Variants in BBS1 observed in about 807,000 individuals in gnomAD.
BBS1 encodes the protein Bardet-Biedl syndrome 1.
Under a neutral mutation model 73.9 loss-of-function variants are expected in BBS1, and 60 were observed. The ratio of observed to expected loss-of-function variants is 0.81; its 90% CI spans 0.66 to 1.01. The LOEUF is 1.01. Ranked by LOEUF, BBS1 falls within the 50% of genes least tolerant of loss-of-function variation. The pLI is 0.00. For synonymous variants in BBS1, 283 were observed against 317.4 expected, an observed-to-expected ratio of 0.89 and a Z score of 1.15; for missense variants, 718 against 770.3, an observed-to-expected ratio of 0.93 and a Z score of 0.80.
intron 11 of BBS1, chr11:66,524,204 T>C: frequency 2.6e-6 from 1 of 378,348 alleles, no homozygotes; most frequent in Non-Finnish European, 5.1e-6. Flanking sequence ...CGCTTGAGCC[T>C]GGGAGGCGGA....
intron 3 of BBS1, among the ~76,000 whole-genome samples, chr11:66,511,481 CTTAG>C (rs1432052748): frequency 6.6e-6 from 1 of 152,122 alleles, no homozygotes; most frequent in Non-Finnish European, 1.5e-5. Flanking sequence ...GACAAAGCCT[CTTAG>C]TTAACCTGAT....
At chr11:66,511,140 A>G (rs745326262) in intron 2 of BBS1, 51 bp downstream of exon 2, 2 of 1,613,874 alleles carry the variant, frequency 1.2e-6, no homozygotes, top group East Asian at 4.5e-5. Context: ...GGGGAGTCAG[A>G]CAATGGTCCT....
intron 11 of BBS1, chr11:66,524,094 A>G: frequency 1.6e-6 from 1 of 640,410 alleles, no homozygotes; most frequent in East Asian, 3.0e-5. Context: ...AGCCTAGCCA[A>G]CATGGCATAA....
At chr11:66,511,305 G>A (rs913786444) in intron 3 of BBS1, 66 bp downstream of exon 3, 1 of 1,578,716 alleles carries the variant, frequency 6.3e-7, no homozygotes, top group Admixed American at 1.7e-5. Flanking sequence ...GAGATTTCCT[G>A]ACGGCTGAAA....
chr11:66,530,046 A>G lies in BBS1; in HGVS notation c.1473+94A>G, dbSNP rs1435065324. 4.6e-6 allele frequency: 7 copies of G among 1,515,566 alleles called. No individual in the cohort carries two copies. In the Admixed American group the frequency reaches 1.4e-4, roughly 30 times the overall value. The allele number at this position is 1,515,566 out of a possible 1,614,324, so 93.9% of individuals were successfully genotyped here. ...GCCACACAGCTAAGCCCCAGAGCCAATTCCAAGCCAACTCAGCCCGTGCTC... is the reference window on the plus strand; with the variant it reads ...GCCACACAGCTAAGCCCCAGAGCCAGTTCCAAGCCAACTCAGCCCGTGCTC... On this transcript the variant is annotated intron_variant, in intron 14 of 16. Transcript: ENST00000318312.
At chr11:66,513,716 C>T (rs991019550) in intron 3 of BBS1, among the ~76,000 whole-genome samples, 4 of 152,110 alleles carry the variant, frequency 2.6e-5, no homozygotes, top group Non-Finnish European at 5.9e-5. Flanking sequence ...TTAAATGAAA[C>T]GATGCATGCA....
chr11:66,522,195 C>CT (rs1856268256), intron 9 of BBS1, among the ~76,000 whole-genome samples: 1 of 147,064 alleles, frequency 6.8e-6, no homozygotes, highest in South Asian at 2.2e-4. Flanking sequence ...CCAGCCTGGG[C>CT]ACAGAGCGAG....
At chr11:66,530,082 T>G in intron 14 of BBS1, 130 bp downstream of exon 14, 1 of 1,332,390 alleles carries the variant, frequency 7.5e-7, no homozygotes, top group Non-Finnish European at 1.0e-6. Context: ...CCCATCACCT[T>G]CCCGCAGACC....
intron 3 of BBS1, 150 bp from the exon 4 acceptor site, chr11:66,514,256 C>A: frequency 9.5e-7 from 1 of 1,049,510 alleles, no homozygotes; most frequent in Non-Finnish European, 1.4e-6. Flanking sequence ...GGTTAGTCAA[C>A]TTTCCCAAGG....
chr11:66,527,311 G>A (rs545594348), intron 13 of BBS1, among the ~76,000 whole-genome samples: 14 of 151,792 alleles, frequency 9.2e-5, no homozygotes, highest in African/African-American at 3.1e-4. Flanking sequence ...TTCATCGTTC[G>A]TTCATTCATT....
At chr11:66,523,910 TCA>T in intron 11 of BBS1, 28 bp downstream of exon 11, 21 of 1,610,628 alleles carry the variant, frequency 1.3e-5, no homozygotes, top group Non-Finnish European at 1.8e-5. Context: ...CATCTGCCAC[TCA>T]CTCCTCCTTG....
At chr11:66,519,783 G>A (rs1285578868) in intron 8 of BBS1, 35 bp downstream of exon 8, 1 of 1,610,230 alleles carries the variant, frequency 6.2e-7, no homozygotes, top group African/African-American at 1.3e-5. Flanking sequence ...CCCGCTGGAG[G>A]CCCAGGCTGC....
intron 13 of BBS1, chr11:66,527,153 G>A (rs1011759866): frequency 1.3e-6 from 1 of 745,274 alleles, no homozygotes; most frequent in Non-Finnish European, 2.2e-6. Flanking sequence ...TGGGAGGACA[G>A]CATGAGCCCA....
At position 66,533,553 on chromosome 11, in the gene BBS1, A is replaced by G. The variant is rs1856865477; in HGVS notation, c.*1516A>G. 6.6e-6 allele frequency: 1 copy of G among 152,226 alleles called. No homozygotes were observed. The highest frequency in any genetic ancestry group is 6.5e-5 in the Admixed American group (1 of 15,276). 9.4% of individuals were successfully genotyped at this position (152,226 alleles called of 1,614,324 possible). On this transcript the variant is annotated 3_prime_UTR_variant, in exon 17 of 17. Transcript: ENST00000318312. ...TATTTCTATTACTATGTGAAAGTTA[A>G]CTGCGGAGCCAAGAGTTGGACTATA...
At chr11:66,524,598 A>G (rs946308758) in intron 11 of BBS1, among the ~76,000 whole-genome samples, 1 of 152,204 alleles carries the variant, frequency 6.6e-6, no homozygotes, top group Admixed American at 6.5e-5. Flanking sequence ...AACATTCTGC[A>G]CAGAGAATAG....
intron 3 of BBS1, among the ~76,000 whole-genome samples, chr11:66,512,367 A>G (rs1440335992): frequency 6.6e-6 from 1 of 152,084 alleles, no homozygotes; most frequent in African/African-American, 2.4e-5. Context: ...ACAACACCAC[A>G]ATGGATATAT....
chr11:66,531,781 A>G, intron 16 of BBS1, 39 bp downstream of exon 16: 1 of 1,612,310 alleles, frequency 6.2e-7, no homozygotes, highest in Non-Finnish European at 8.5e-7. Context: ...GGTGAGCAGG[A>G]CCCTGGGGAG....
At chr11:66,530,841 C>T (rs1053933472) in intron 14 of BBS1, 53 bp from the exon 15 acceptor site, 8 of 1,612,878 alleles carry the variant, frequency 5.0e-6, no homozygotes, top group Middle Eastern at 1.6e-4. Context: ...CACTGTACTC[C>T]GTGCCCAAGG....
chr11:66,520,033 G>T (rs1398693501), intron 8 of BBS1: 16 of 366,170 alleles, frequency 4.4e-5, no homozygotes, highest in Non-Finnish European at 8.4e-5. Context: ...GGTGGCCCAT[G>T]CCTCTAACCC....
Sources: gnomAD v4.1 joint callset for allele counts (sites outside exome capture counted in the v4.1 genomes callset) on GRCh38, gnomAD v4.1.1 for gene constraint, MANE v1.5 for transcripts, NCBI Gene and HGNC (gene_info 2026-07-23, HGNC 2026-07-21) for gene names.